Variants in PABPC4L observed in about 807,000 individuals in gnomAD.
The protein encoded by PABPC4L is polyadenylate-binding protein 4-like.
For synonymous variants in PABPC4L, 169 were observed against 164.1 expected, an observed-to-expected ratio of 1.03 and a Z score of -0.23; for missense variants, 452 against 451.4, an observed-to-expected ratio of 1.00 and a Z score of -0.01.
chr4:134,068,332 A>G, the PABPC4L span, among the ~76,000 whole-genome samples: 17 of 152,288 alleles, frequency 1.1e-4, no homozygotes, highest in South Asian at 2.1e-4. Flanking sequence ...GTCTGAAATT[A>G]AAATAGCAAT....
the PABPC4L span, among the ~76,000 whole-genome samples, chr4:134,142,603 C>T: frequency 2.0e-5 from 3 of 151,316 alleles, no homozygotes; most frequent in South Asian, 4.2e-4. Context: ...TCACATGTTC[C>T]GTGTTGTCAA....
chr4:134,071,664 T>A, the PABPC4L span, among the ~76,000 whole-genome samples: 1 of 152,142 alleles, frequency 6.6e-6, no homozygotes, highest in African/African-American at 2.4e-5. Flanking sequence ...ACTGTTGTTT[T>A]CTCTGTAAAT....
At chr4:134,082,573 AG>A in the PABPC4L span, among the ~76,000 whole-genome samples, 7 of 152,126 alleles carry the variant, frequency 4.6e-5, no homozygotes, top group Non-Finnish European at 7.4e-5. Context: ...AATTGAAAAA[AG>A]TTTATTATAG....
the PABPC4L span, among the ~76,000 whole-genome samples, chr4:134,057,393 C>A: frequency 6.6e-6 from 1 of 152,058 alleles, no homozygotes; most frequent in African/African-American, 2.4e-5. Flanking sequence ...GTGGTGATGG[C>A]CTCGTTACCA....
chr4:134,195,379 A>T (rs1729625768), downstream of PABPC4L, among the ~76,000 whole-genome samples: 1 of 151,796 alleles, frequency 6.6e-6, no homozygotes, highest in Non-Finnish European at 1.5e-5. Flanking sequence ...GAAATAAGAA[A>T]ATTCCACTGG....
At chr4:134,003,519 G>C in the PABPC4L span, among the ~76,000 whole-genome samples, 1 of 151,690 alleles carries the variant, frequency 6.6e-6, no homozygotes, top group African/African-American at 2.4e-5. Context: ...AATATTTATG[G>C]AATAAATAAA....
chr4:133,981,944 A>G, the PABPC4L span, among the ~76,000 whole-genome samples: 1 of 151,966 alleles, frequency 6.6e-6, no homozygotes, highest in African/African-American at 2.4e-5. Context: ...TCAAATCAAC[A>G]TATGTTGTAT....
the PABPC4L span, among the ~76,000 whole-genome samples, chr4:134,049,957 A>G: frequency 6.6e-6 from 1 of 152,170 alleles, no homozygotes; most frequent in African/African-American, 2.4e-5. Flanking sequence ...AATGCAGTTC[A>G]TAAGATGTCA....
the PABPC4L span, among the ~76,000 whole-genome samples, chr4:133,997,299 C>T: frequency 3.3e-5 from 5 of 152,028 alleles, no homozygotes; most frequent in Non-Finnish European, 7.4e-5. Context: ...AAGCTAGGCC[C>T]CTTGTGACAA....
chr4:134,098,094 A>AGTCT, the PABPC4L span, among the ~76,000 whole-genome samples: 2 of 151,870 alleles, frequency 1.3e-5, no homozygotes, highest in African/African-American at 4.8e-5. Flanking sequence ...TACTTATAGC[A>AGTCT]GTCTTACATA....
At chr4:133,976,380 T>C in the PABPC4L span, among the ~76,000 whole-genome samples, 16,884 of 152,242 alleles carry the variant, frequency 0.11, 1,030 homozygotes, top group Admixed American at 0.2. Flanking sequence ...GTTGATTCCA[T>C]GTCCTTGCTA....
At chr4:134,035,338 G>T in the PABPC4L span, among the ~76,000 whole-genome samples, 1 of 151,974 alleles carries the variant, frequency 6.6e-6, no homozygotes, top group Non-Finnish European at 1.5e-5. Context: ...AACCTGTAAT[G>T]TCTCTGAGAT....
the PABPC4L span, among the ~76,000 whole-genome samples, chr4:134,051,123 A>G: frequency 6.6e-6 from 1 of 152,304 alleles, no homozygotes; most frequent in Non-Finnish European, 1.5e-5. Context: ...ATGCTATCAA[A>G]CAAAAATCTG....
At chr4:134,145,068 C>T in the PABPC4L span, among the ~76,000 whole-genome samples, 1 of 151,752 alleles carries the variant, frequency 6.6e-6, no homozygotes, top group Admixed American at 6.6e-5. Context: ...AAGTAAATTG[C>T]TTGGTCTTTC....
At chr4:134,134,553 T>G in the PABPC4L span, among the ~76,000 whole-genome samples, 382 of 151,822 alleles carry the variant, frequency 2.5e-3, no homozygotes, top group Middle Eastern at 0.01. Context: ...CATATCATGT[T>G]TAGATAACTA....
the PABPC4L span, among the ~76,000 whole-genome samples, chr4:134,018,951 C>A: frequency 2.0e-5 from 3 of 152,064 alleles, no homozygotes; most frequent in East Asian, 5.8e-4. Flanking sequence ...GCTTGACTCA[C>A]TCCTGACATT....
the PABPC4L span, among the ~76,000 whole-genome samples, chr4:133,956,606 C>T: frequency 2.6e-5 from 4 of 152,118 alleles, no homozygotes; most frequent in Admixed American, 6.5e-5. Flanking sequence ...GTCTACTATG[C>T]ACTGGGAGGA....
chr4:134,084,823 T>G, the PABPC4L span, among the ~76,000 whole-genome samples: 1 of 152,254 alleles, frequency 6.6e-6, no homozygotes, highest in South Asian at 2.1e-4. Context: ...TGCCAAACTT[T>G]CTCCATAATT....
the PABPC4L span, among the ~76,000 whole-genome samples, chr4:133,949,994 C>A: frequency 3.3e-5 from 5 of 152,046 alleles, no homozygotes; most frequent in Non-Finnish European, 2.9e-5. Context: ...GACATTTTGT[C>A]CAAGGCATTT....
Sources: allele counts gnomAD v4.1 joint callset (sites outside exome capture counted in the v4.1 genomes callset), GRCh38; gene constraint gnomAD v4.1.1; transcripts MANE v1.5; gene names NCBI Gene and HGNC (gene_info 2026-07-23, HGNC 2026-07-21).